MYO18A: variants seen among roughly 807,000 people sequenced by gnomAD.
MYO18A encodes myosin XVIIIA, also known as unconventional myosin-XVIIIa.
A neutral mutation model predicts 235.8 loss-of-function variants in MYO18A; 78 were observed. The ratio of observed to expected loss-of-function variants is 0.33; its 90% confidence interval spans 0.28 to 0.40. The LOEUF (loss-of-function observed/expected upper bound fraction) is 0.40. Among genes scored for constraint, MYO18A ranks in the 10% least tolerant of loss-of-function variants. The pLI is 1.00. For synonymous variants in MYO18A, 977 were observed against 1,077.8 expected, an observed-to-expected ratio of 0.91 and a Z score of 1.83; for missense variants, 2,215 against 2,699.3, an observed-to-expected ratio of 0.82 and a Z score of 3.98.
At chr17:29,100,099 T>C (rs1422442032) in intron 21 of MYO18A, among the ~76,000 whole-genome samples, 1 of 152,226 alleles carries the variant, frequency 6.6e-6, no homozygotes, top group East Asian at 1.9e-4. Flanking sequence ...GGGGGCGTCC[T>C]GCCACATCTG....
chr17:29,133,251 C>T (rs2067516456), intron 2 of MYO18A, among the ~76,000 whole-genome samples: 1 of 152,228 alleles, frequency 6.6e-6, no homozygotes, highest in Non-Finnish European at 1.5e-5. Context: ...CCTCCCTCCC[C>T]CATCAGAAGG....
In MYO18A at chr17:29,115,368, G is replaced by A. The variant is rs531275820; in HGVS notation, c.2301C>T (p.Leu767=). The A allele has an allele frequency of 3.1e-5, 50 of 1,613,996 alleles. No homozygotes were observed. Among genetic ancestry groups the A allele is most frequent in the East Asian group, 1.1e-4 (5 of 44,892 alleles). Residue 767 remains leucine (L), a synonymous_variant, in exon 13 of 42, where the codon CTC becomes CTT. Coordinates refer to ENST00000527372, the MANE Select transcript of MYO18A (RefSeq NM_078471.4). ...GCACTCACCTATTCACCAGGGAGAC[G>A]AGAAGGGTGAAGAGCTCGCTGTAGA... ...AGLYSELFTL[L]VSLVNRALKS... is the part of the protein sequence containing the mutation.
rs2066446448 is a variant in MYO18A at position 29,093,367 on chromosome 17, C to T, written c.4882G>A (p.Glu1628Lys). Reference protein sequence around the residue: ...EYEDKQKVLREKRELEGKLAT... With the variant: ...EYEDKQKVLRKKRELEGKLAT... ...AGCTTGCCCTCCAGCTCCCGCTTCTCTCGCAGAACCTTCTGCTTGTCCTCA... is the reference window on the plus strand; with the variant it reads ...AGCTTGCCCTCCAGCTCCCGCTTCTTTCGCAGAACCTTCTGCTTGTCCTCA... Residue 1628 changes from glutamate (E) to lysine (K), a missense_variant, in exon 32 of 42, where the codon GAG becomes AAG. Glu to Lys is a moderately conservative substitution (Grantham distance 56). Coordinates refer to ENST00000527372, the MANE Select transcript of MYO18A (RefSeq NM_078471.4). The T allele has an allele frequency of 6.2e-7, 1 of 1,612,688 alleles. No homozygotes were observed. Among genetic ancestry groups the T allele is most frequent in the South Asian group, 1.1e-5 (1 of 91,068 alleles).
intron 1 of MYO18A, among the ~76,000 whole-genome samples, chr17:29,167,645 G>C (rs776276860): frequency 1.3e-5 from 2 of 151,656 alleles, no homozygotes; most frequent in Non-Finnish European, 2.9e-5. Flanking sequence ...GGTCGAGGTT[G>C]CAGTGAACTA....
chr17:29,156,711 A>G (rs2068073204), intron 2 of MYO18A, among the ~76,000 whole-genome samples: 1 of 152,254 alleles, frequency 6.6e-6, no homozygotes, highest in African/African-American at 2.4e-5. Flanking sequence ...GGAATGAGAT[A>G]ACTCAGTAAT....
intron 2 of MYO18A, among the ~76,000 whole-genome samples, chr17:29,164,703 C>T (rs1319765984): frequency 3.9e-5 from 6 of 152,204 alleles, no homozygotes; most frequent in African/African-American, 1.4e-4. Context: ...GGTCACTTGT[C>T]CTTCGTATAC....
chr17:29,119,266 C>A (rs747696441), intron 8 of MYO18A, 69 bp downstream of exon 8: 4 of 1,214,558 alleles, frequency 3.3e-6, no homozygotes, highest in Non-Finnish European at 4.7e-6. Flanking sequence ...TGGATGCAAT[C>A]AAGGTCCAGG....
chr17:29,122,036 T>TG (rs1555534063), intron 3 of MYO18A, 79 bp from the exon 4 acceptor site: 2 of 1,532,148 alleles, frequency 1.3e-6, no homozygotes, highest in East Asian at 4.5e-5. Flanking sequence ...GGTCCTATCC[T>TG]CCCCCCCACT....
At chr17:29,085,003 G>T (rs75101756) in intron 40 of MYO18A, among the ~76,000 whole-genome samples, 3,102 of 152,244 alleles carry the variant, frequency 0.02, 76 homozygotes, top group African/African-American at 0.047. Flanking sequence ...CCACGGTACC[G>T]CAGGGAGTAA....
In MYO18A at chr17:29,111,805, T is replaced by G; in HGVS notation, c.2657A>C (p.Glu886Ala). 6.2e-7 allele frequency: 1 copy of G among 1,613,718 alleles called. No individual in the cohort carries two copies. Among genetic ancestry groups the G allele is most frequent in the Non-Finnish European group, 8.5e-7 (1 of 1,179,736 alleles). ...CTCACTGGCCCCTGGCACCAGAGCC[T>G]CCTCTTCCAATAGCCAGAGCAGGCC... is the stretch of plus-strand genomic sequence containing the variant. ...ARGLLWLLEEEALVPGASEDT... is the reference protein window; with the variant it reads ...ARGLLWLLEEAALVPGASEDT... The change falls in exon 16 of 42, where the codon GAG (glutamate) becomes GCG (alanine). Residue 886 changes from glutamate (E) to alanine (A), a missense_variant. Coordinates refer to ENST00000527372, the MANE Select transcript of MYO18A (RefSeq NM_078471.4). This position sits in a 1 kb window ranked among gnomAD's most constrained non-coding sequence, Gnocchi z 5.1.
rs377257721 is a variant in MYO18A at position 29,098,916 on chromosome 17, C to T, written c.3690G>A (p.Gly1230=). The change falls in exon 23 of 42, where the codon GGG becomes GGA. Residue 1230 remains glycine (G), a synonymous_variant. Coordinates refer to ENST00000527372, the MANE Select transcript of MYO18A (RefSeq NM_078471.4). ...CVQKNIKKNK[G]VKDWPWWKLF... ...GCTTCCACCAGGGCCAGTCCTTCAC[C>T]CCTTTGTTCTTCTTGATGTTCTTCT... The T allele has an allele frequency of 8.6e-5, 139 of 1,613,934 alleles. 1 individual carries two copies. The African/African-American group carries it at 1.7e-3, about 19-fold the overall frequency.
In MYO18A at chr17:29,086,430, C is replaced by A; in HGVS notation, c.5852+8G>T. ...CTAGCTGCAGATGCCCCAGAGGCCA[C>A]TTCTCACCTGTTGATGAGGTCCTCA... is the stretch of plus-strand genomic sequence containing the variant. On this transcript the variant is annotated splice_region_variant and intron_variant, in intron 39 of 41. Transcript: ENST00000527372. 6.3e-7 allele frequency: 1 copy of A among 1,591,380 alleles called. No homozygotes were observed. Among genetic ancestry groups the A allele is most frequent in the East Asian group, 2.3e-5 (1 of 43,886 alleles).
intron 1 of MYO18A, among the ~76,000 whole-genome samples, chr17:29,176,975 C>A (rs2068548116): frequency 6.6e-6 from 1 of 152,242 alleles, no homozygotes; most frequent in African/African-American, 2.4e-5. Flanking sequence ...GGAACGCGAG[C>A]GGGAGAGCTC....
In MYO18A at chr17:29,121,422, C is replaced by T; in HGVS notation, c.1371+125G>A. 8.5e-7 allele frequency: 1 copy of T among 1,174,652 alleles called. No individual in the cohort carries two copies. Among genetic ancestry groups the T allele is most frequent in the South Asian group, 1.6e-5 (1 of 62,968 alleles). 72.8% of individuals were successfully genotyped at this position (1,174,652 alleles called of 1,614,324 possible). On this transcript the variant is annotated intron_variant, in intron 5 of 41. Coordinates refer to ENST00000527372, the MANE Select transcript of MYO18A (RefSeq NM_078471.4). This position sits in a 1 kb window ranked among gnomAD's most constrained non-coding sequence, Gnocchi z 4.2. ...TCCTGTCCCCCATCTCTTGAAATGA[C>T]TCCTCTTCCCAAGGTCAACTGTGAG... is the stretch of plus-strand genomic sequence containing the variant.
In MYO18A at chr17:29,106,949, G is replaced by T; in HGVS notation, c.3441+131C>A. 1 of 854,780 alleles carries T rather than the reference G, an allele frequency of 1.2e-6. No homozygotes were observed. Among genetic ancestry groups the T allele is most frequent in the Non-Finnish European group, 1.9e-6 (1 of 529,566 alleles). The allele number at this position is 854,780 out of a possible 1,614,324, so 52.9% of individuals were successfully genotyped here. ...TCTGGGCCCCAGGACACAGCTGGGT[G>T]CTTCCAAAACTGGGAGCCTGAGCAG... On this transcript the variant is annotated intron_variant, in intron 20 of 41. Transcript: ENST00000527372. This position sits in a 1 kb window ranked among gnomAD's most constrained non-coding sequence, Gnocchi z 4.6.
chr17:29,128,487 T>G, intron 2 of MYO18A: 1 of 1,287,992 alleles, frequency 7.8e-7, no homozygotes, highest in East Asian at 5.6e-5. Flanking sequence ...GGTATCGGGC[T>G]GGTGGGAGGC....
At position 29,086,359 on chromosome 17, in the gene MYO18A, T is replaced by C. The variant is rs2066253617; in HGVS notation, c.5852+79A>G. On this transcript the variant is annotated intron_variant, in intron 39 of 41. Transcript: ENST00000527372. ...ATGGGGAGGCAGAGGTTGCAACTGT[T>C]CTACCTGGTCGTCTGGTTCCAGAGG... 6.6e-7 allele frequency: 1 copy of C among 1,509,330 alleles called. No homozygotes were observed. The highest frequency in any genetic ancestry group is 2.5e-5 in the East Asian group (1 of 40,598). 93.5% of individuals were successfully genotyped at this position (1,509,330 alleles called of 1,614,324 possible).
In MYO18A at chr17:29,148,582, TTGTGTGTG is replaced by T. The variant is rs10535921; in HGVS notation, c.999+17352_999+17359del. Among the ~76,000 whole-genome samples the T allele has an allele frequency of 2.8e-3, 416 of 148,866 alleles. 1 individual carries two copies. The highest frequency in any genetic ancestry group is 8.6e-3 in the African/African-American group (347 of 40,570). On this transcript the variant is annotated intron_variant, in intron 2 of 41. Coordinates refer to ENST00000527372, the MANE Select transcript of MYO18A (RefSeq NM_078471.4). ...TTGGGAGGAATTATCCTTTATTCTT[TTGTGTGTG>T]TGTGTGTGTGTGTGTGTGTGTGTGT...
intron 2 of MYO18A, chr17:29,127,844 T>A (rs1171855184): frequency 1.0e-6 from 1 of 987,654 alleles, no homozygotes; most frequent in Non-Finnish European, 1.2e-6. Flanking sequence ...AGTGACACAC[T>A]CTTGTACCTC....
Sources: gnomAD v4.1 joint callset for allele counts (sites outside exome capture counted in the v4.1 genomes callset) on GRCh38, gnomAD v4.1.1 for gene constraint, Gnocchi (gnomAD v3.1) non-coding constraint, MANE v1.5 for transcripts, NCBI Gene and HGNC (gene_info 2026-07-23, HGNC 2026-07-21) for gene names.